FOXP2: variants seen among roughly 807,000 people sequenced by gnomAD.
FOXP2 encodes the protein forkhead box protein P2.
FOXP2 carries 12 observed loss-of-function variants against 115.8 expected under a neutral mutation model. That is an observed-to-expected ratio of 0.10 (90% CI 0.07 to 0.17). The LOEUF (loss-of-function observed/expected upper bound fraction) is 0.17. Ranked by LOEUF, FOXP2 falls within the 10% of genes least tolerant of loss-of-function variation. FOXP2 has a pLI of 1.00. For missense variants in FOXP2, 629 were observed against 843.5 expected, an observed-to-expected ratio of 0.75 and a Z score of 3.15; for synonymous variants, 328 against 297.7, an observed-to-expected ratio of 1.10 and a Z score of -1.05.
chr7:114,577,568 T>C (rs1447949362), intron 3 of FOXP2, among the ~76,000 whole-genome samples: 1 of 151,984 alleles, frequency 6.6e-6, no homozygotes, highest in Non-Finnish European at 1.5e-5. Context: ...TTTGTAATGC[T>C]CAGGCTCTCA....
At chr7:114,567,370 T>A (rs1262679725) in intron 3 of FOXP2, among the ~76,000 whole-genome samples, 3 of 152,074 alleles carry the variant, frequency 2.0e-5, no homozygotes, top group African/African-American at 4.8e-5. Flanking sequence ...AAGCTAAGTA[T>A]TTTGCTCAAG....
At chr7:114,675,230 T>C in intron 16 of FOXP2, among the ~76,000 whole-genome samples, 1 of 152,120 alleles carries the variant, frequency 6.6e-6, no homozygotes, top group East Asian at 1.9e-4. Flanking sequence ...ATGAGTAAAA[T>C]TGAATTTCCA....
chr7:114,400,043 G>C (rs962002853), intron 2 of FOXP2, among the ~76,000 whole-genome samples: 15 of 151,608 alleles, frequency 9.9e-5, no homozygotes, highest in Non-Finnish European at 2.9e-5. Flanking sequence ...TTTTAGTAGA[G>C]ACGGGGGGGT....
At chr7:114,423,844 T>C (rs1223529134) in intron 1 of FOXP2, among the ~76,000 whole-genome samples, 1 of 151,552 alleles carries the variant, frequency 6.6e-6, no homozygotes, top group African/African-American at 2.4e-5. Context: ...TCCTCCTTTA[T>C]AGTGAACATA....
At chr7:114,101,389 G>A (rs1584479274) in intron 1 of FOXP2, among the ~76,000 whole-genome samples, 1 of 152,200 alleles carries the variant, frequency 6.6e-6, no homozygotes, top group East Asian at 1.9e-4. Flanking sequence ...TACACAAATA[G>A]TAAGTTGATT....
intron 3 of FOXP2, among the ~76,000 whole-genome samples, chr7:114,598,160 A>G (rs531885907): frequency 6.6e-6 from 1 of 152,236 alleles, no homozygotes; most frequent in Admixed American, 6.6e-5. Context: ...AAGATCCCTA[A>G]GAAAAAGGGA....
chr7:114,659,752 A>G, intron 13 of FOXP2, 79 bp downstream of exon 13: 1 of 1,125,292 alleles, frequency 8.9e-7, no homozygotes, highest in South Asian at 1.2e-5. Flanking sequence ...TTTACATGAC[A>G]TAAGCAGATT....
chr7:114,473,010 A>G (rs1412250217), intron 2 of FOXP2, among the ~76,000 whole-genome samples: 2 of 152,212 alleles, frequency 1.3e-5, no homozygotes, highest in Non-Finnish European at 2.9e-5. Context: ...AGTACTTCAC[A>G]TGCATTATCA....
intron 1 of FOXP2, among the ~76,000 whole-genome samples, chr7:114,141,887 C>T (rs989599508): frequency 1.3e-5 from 2 of 152,150 alleles, no homozygotes; most frequent in Admixed American, 6.5e-5. Flanking sequence ...AAGAAGGAAA[C>T]ACTTGGGTTA....
At chr7:114,118,723 C>CCAT (rs1791476674) in intron 1 of FOXP2, among the ~76,000 whole-genome samples, 1 of 152,044 alleles carries the variant, frequency 6.6e-6, no homozygotes, top group African/African-American at 2.4e-5. Context: ...ACCCCAAGAT[C>CCAT]CATGTGTCAC....
At chr7:114,547,350 A>G (rs139535834) in intron 3 of FOXP2, among the ~76,000 whole-genome samples, 90 of 152,290 alleles carry the variant, frequency 5.9e-4, no homozygotes, top group African/African-American at 2.1e-3. Context: ...TTTCTGAACA[A>G]AATACACTCC....
chr7:114,325,379 T>A (rs1253780262), intron 2 of FOXP2, among the ~76,000 whole-genome samples: 2 of 151,828 alleles, frequency 1.3e-5, no homozygotes, highest in Non-Finnish European at 2.9e-5. Context: ...GATTAAACAT[T>A]TTTTCTCTAA....
chr7:114,142,920 A>AG (rs1215678691), intron 1 of FOXP2, among the ~76,000 whole-genome samples: 1 of 151,868 alleles, frequency 6.6e-6, no homozygotes, highest in African/African-American at 2.4e-5. Context: ...GGCTGAGGTG[A>AG]GAAGATCGAT....
chr7:114,103,841 T>C (rs1225404620), intron 1 of FOXP2, among the ~76,000 whole-genome samples: 1 of 152,046 alleles, frequency 6.6e-6, no homozygotes, highest in Non-Finnish European at 1.5e-5. Context: ...AATAAGGATT[T>C]TGTGATTTTT....
intron 6 of FOXP2, among the ~76,000 whole-genome samples, chr7:114,640,952 T>C (rs1805493099): frequency 6.6e-6 from 1 of 152,180 alleles, no homozygotes; most frequent in African/African-American, 2.4e-5. Flanking sequence ...ACTAAGATTA[T>C]AAATGTAAAG....
chr7:114,273,854 G>C (rs1291987649), intron 1 of FOXP2, among the ~76,000 whole-genome samples: 2 of 151,860 alleles, frequency 1.3e-5, no homozygotes, highest in Non-Finnish European at 2.9e-5. Context: ...ATTCCTTGTA[G>C]ACAACAAATA....
At chr7:114,555,672 C>T (rs1293237329) in intron 3 of FOXP2, among the ~76,000 whole-genome samples, 1 of 152,142 alleles carries the variant, frequency 6.6e-6, no homozygotes, top group Non-Finnish European at 1.5e-5. Context: ...TGTTACATGC[C>T]TGTCATCCCA....
At chr7:114,118,893 C>A (rs1002909714) in intron 1 of FOXP2, among the ~76,000 whole-genome samples, 1 of 152,074 alleles carries the variant, frequency 6.6e-6, no homozygotes, top group South Asian at 2.1e-4. Flanking sequence ...AGAGGAGAAC[C>A]CTGAATTGTT....
intron 1 of FOXP2, among the ~76,000 whole-genome samples, chr7:114,189,745 T>C (rs922797320): frequency 9.9e-5 from 15 of 152,216 alleles, no homozygotes; most frequent in Non-Finnish European, 1.5e-4. Context: ...GTGACTGTTA[T>C]TGACTTGATT....
Sources: gnomAD v4.1 joint callset for allele counts (sites outside exome capture counted in the v4.1 genomes callset) on GRCh38, gnomAD v4.1.1 for gene constraint, MANE v1.5 for transcripts, NCBI Gene and HGNC (gene_info 2026-07-23, HGNC 2026-07-21) for gene names.